Variants in PRDM2 observed in about 807,000 individuals in gnomAD.
PRDM2 encodes the protein PR/SET domain 2.
PRDM2 carries 30 observed loss-of-function variants against 130.0 expected under a neutral mutation model. The observed-to-expected ratio is 0.23, with a 90% confidence interval of 0.17 to 0.31. The LOEUF (loss-of-function observed/expected upper bound fraction) is 0.31, where lower values mean the gene tolerates loss of function less well. PRDM2 is among the 10% of genes least tolerant of loss of function. PRDM2 has a pLI of 1.00. For synonymous variants in PRDM2, 871 were observed against 782.4 expected, an observed-to-expected ratio of 1.11 and a Z score of -1.89; for missense variants, 2,011 against 2,108.4, an observed-to-expected ratio of 0.95 and a Z score of 0.90.
At chr1:13,762,847 C>T (rs1366205529) in intron 6 of PRDM2, among the ~76,000 whole-genome samples, 3 of 152,122 alleles carry the variant, frequency 2.0e-5, no homozygotes, top group African/African-American at 4.8e-5. Flanking sequence ...GATGATGTGT[C>T]GGTCCGTGAG....
At chr1:13,811,840 G>A (rs1012440632) in intron 8 of PRDM2, among the ~76,000 whole-genome samples, 1 of 152,240 alleles carries the variant, frequency 6.6e-6, no homozygotes, top group Non-Finnish European at 1.5e-5. Flanking sequence ...GTCAGAGAAG[G>A]CCTCTTTCAG....
chr1:13,704,151 G>A (rs1344679625), intron 1 of PRDM2, among the ~76,000 whole-genome samples: 3 of 152,208 alleles, frequency 2.0e-5, no homozygotes, highest in Non-Finnish European at 4.4e-5. Context: ...GAAAAGAGAT[G>A]TGCTTTTGGA....
chr1:13,750,901 G>A (rs1643811260), intron 6 of PRDM2, among the ~76,000 whole-genome samples: 1 of 151,126 alleles, frequency 6.6e-6, no homozygotes, highest in African/African-American at 2.4e-5. Flanking sequence ...TATTCATTTT[G>A]TTTATAACTA....
rs758434301 is a variant in PRDM2, at chr1:13,779,346, A to C, written c.1551A>C (p.Arg517=). The change falls in exon 8 of 10, where the codon CGA becomes CGC. Residue 517 remains arginine, a synonymous_variant. Coordinates refer to ENST00000311066, the MANE Select transcript of PRDM2 (RefSeq NM_001393986.1). The surrounding 1 kb of genome is among the most constrained non-coding windows in gnomAD (Gnocchi z 4.9). ...ATCTGATTCCCAAAGGTGTACGGCG[A>C]AAAGGAGGCCTTGAAGAGCCCCAGC... ...ERHLIPKGVR[R]KGGLEEPQPP... is the part of the protein sequence containing the mutation. The C allele has an allele frequency of 6.2e-7, 1 of 1,614,172 alleles. No individual in the cohort carries two copies. The highest frequency in any genetic ancestry group is 1.1e-5 in the South Asian group (1 of 91,072).
In PRDM2 at chr1:13,812,922, GA is replaced by G. The variant is rs201645162; in HGVS notation, c.5037-3502del. Reference sequence around the variant, plus strand: ...GGACTGTCTCCATTTTACAGAGGGGGAAACCGAGGCTCCGAGGCCGAGCGAC... The same window carrying G: ...GGACTGTCTCCATTTTACAGAGGGGGAACCGAGGCTCCGAGGCCGAGCGAC... On this transcript the variant is annotated intron_variant, in intron 8 of 9. Transcript: ENST00000311066. 4.2e-3 allele frequency among the ~76,000 whole-genome samples: 635 copies of G among 152,268 alleles called. 12 individuals carry two copies. The East Asian group carries it at 0.049, about 12-fold the overall frequency.
At chr1:13,818,038 C>T (rs115854838) in intron 9 of PRDM2, among the ~76,000 whole-genome samples, 2,204 of 152,220 alleles carry the variant, frequency 0.014, 47 homozygotes, top group South Asian at 0.1. Context: ...ATGTTGAATA[C>T]GGGGTTAATG....
chr1:13,780,883 T>C lies in PRDM2; in HGVS notation c.3088T>C (p.Ser1030Pro), dbSNP rs1442687527. ...LPILSPTVSPSPSPIPPVEPL... is the reference protein window; with the variant it reads ...LPILSPTVSPPPSPIPPVEPL... ...AATTCTGTCCCCAACAGTGTCCCCC[T>C]CTCCCTCTCCCATTCCTCCCGTGGA... The change falls in exon 8 of 10, where the codon TCT becomes CCT. Residue 1030 changes from serine to proline, a missense_variant. Transcript: ENST00000311066. The C allele has an allele frequency of 6.2e-6, 10 of 1,608,260 alleles. No homozygotes were observed. The highest frequency in any genetic ancestry group is 8.5e-6 in the Non-Finnish European group (10 of 1,178,088).
intron 6 of PRDM2, among the ~76,000 whole-genome samples, chr1:13,767,605 C>T (rs1569940247): frequency 1.3e-5 from 2 of 152,026 alleles, no homozygotes; most frequent in South Asian, 2.1e-4. Context: ...TGTGCCTGGC[C>T]GATGCAAGTC....
chr1:13,760,852 T>TC (rs1414874923), intron 6 of PRDM2, among the ~76,000 whole-genome samples: 1 of 144,474 alleles, frequency 6.9e-6, no homozygotes, highest in Non-Finnish European at 1.6e-5. Context: ...TTGGCACACT[T>TC]CTAAAAAAAA....
rs185045713 is a variant in PRDM2, at chr1:13,719,802, G to A, written c.9+4188G>A. Among the ~76,000 whole-genome samples, 553 of 150,870 alleles carry A rather than the reference G, an allele frequency of 3.7e-3. 5 individuals carry two copies. Among genetic ancestry groups the A allele is most frequent in the South Asian group, 8.1e-3 (39 of 4,804 alleles). On this transcript the variant is annotated intron_variant, in intron 2 of 9. Coordinates refer to ENST00000311066, the MANE Select transcript of PRDM2 (RefSeq NM_001393986.1). ...CTTGTTTGATTTTTTTTTTCCCATC[G>A]TTTGTTCCAGCATAGTAGCTTAGAT...
chr1:13,720,313 G>A (rs945131566), intron 2 of PRDM2, among the ~76,000 whole-genome samples: 1 of 152,196 alleles, frequency 6.6e-6, no homozygotes, highest in Non-Finnish European at 1.5e-5. Context: ...GAGTTACCTT[G>A]CTGATTACAG....
intron 9 of PRDM2, among the ~76,000 whole-genome samples, chr1:13,817,975 A>G (rs540791398): frequency 3.5e-4 from 54 of 152,322 alleles, no homozygotes; most frequent in African/African-American, 1.3e-3. Context: ...CTCTGTGGGA[A>G]GTCACATCAC....
At chr1:13,818,424 G>A (rs1645292615) in intron 9 of PRDM2, among the ~76,000 whole-genome samples, 1 of 148,652 alleles carries the variant, frequency 6.7e-6, no homozygotes, top group Non-Finnish European at 1.5e-5. Context: ...CTGTCGCCAG[G>A]CTGGAGTGCA....
intron 1 of PRDM2, among the ~76,000 whole-genome samples, chr1:13,714,860 C>T (rs765779022): frequency 5.9e-5 from 9 of 152,136 alleles, no homozygotes; most frequent in Non-Finnish European, 1.3e-4. Context: ...TGACTCAAGG[C>T]ATACGTTGCA....
chr1:13,823,269 G>A lies in PRDM2; in HGVS notation c.*134G>A. On this transcript the variant is annotated 3_prime_UTR_variant, in exon 10 of 10. Coordinates refer to ENST00000311066, the MANE Select transcript of PRDM2 (RefSeq NM_001393986.1). ...GCTGCGAGAGAAAGGGAGTGCATGT[G>A]CGCGCGTGCATGTGTGCGTGCGTGT... The A allele has an allele frequency of 1.4e-6, 2 of 1,467,500 alleles. No individual in the cohort carries two copies. The highest frequency in any genetic ancestry group is 2.3e-5 in the South Asian group (2 of 86,166). 90.9% of individuals were successfully genotyped at this position (1,467,500 alleles called of 1,614,324 possible).
At chr1:13,818,230 C>T (rs1645289174) in intron 9 of PRDM2, among the ~76,000 whole-genome samples, 1 of 152,152 alleles carries the variant, frequency 6.6e-6, no homozygotes, top group African/African-American at 2.4e-5. Flanking sequence ...GTTAAAACAC[C>T]AACCAGAGTC....
chr1:13,720,088 A>G (rs1642674389), intron 2 of PRDM2, among the ~76,000 whole-genome samples: 1 of 152,212 alleles, frequency 6.6e-6, no homozygotes, highest in African/African-American at 2.4e-5. Context: ...TAGGTGCTTT[A>G]ATTAAATAGA....
At chr1:13,797,288 C>T (rs1644937320) in intron 8 of PRDM2, among the ~76,000 whole-genome samples, 1 of 152,178 alleles carries the variant, frequency 6.6e-6, no homozygotes, top group Non-Finnish European at 1.5e-5. Context: ...TATACTCTTA[C>T]TGTCTTCATT....
At chr1:13,722,811 A>G (rs1642774661) in intron 2 of PRDM2, 1 of 515,850 alleles carries the variant, frequency 1.9e-6, no homozygotes, top group South Asian at 1.4e-5. Context: ...CAGACCAATG[A>G]CTAGATTTTA....
Sources: allele counts gnomAD v4.1 joint callset (sites outside exome capture counted in the v4.1 genomes callset), GRCh38; gene constraint gnomAD v4.1.1; non-coding constraint Gnocchi (gnomAD v3.1); transcripts MANE v1.5; gene names NCBI Gene and HGNC (gene_info 2026-07-23, HGNC 2026-07-21).